DNMT3B: variants seen among roughly 807,000 people sequenced by gnomAD.
DNMT3B encodes DNA (cytosine-5)-methyltransferase 3B.
In DNMT3B, 37 loss-of-function variants were observed where a neutral mutation model predicts 120.2. The observed-to-expected ratio is 0.31, with a 90% CI of 0.24 to 0.40. DNMT3B has a LOEUF of 0.40. Ranked by LOEUF, DNMT3B falls within the 10% of genes least tolerant of loss-of-function variation. The pLI is 1.00. For synonymous variants in DNMT3B, 412 were observed against 442.8 expected, an observed-to-expected ratio of 0.93 and a Z score of 0.87; for missense variants, 878 against 1,137.3, an observed-to-expected ratio of 0.77 and a Z score of 3.28.
intron 1 of DNMT3B, among the ~76,000 whole-genome samples, chr20:32,768,704 A>G (rs986256867): frequency 6.6e-6 from 1 of 152,100 alleles, no homozygotes; most frequent in African/African-American, 2.4e-5. Context: ...GGAGATGGGA[A>G]TGGGGAGGCA....
intron 3 of DNMT3B, among the ~76,000 whole-genome samples, chr20:32,782,934 T>G (rs182544860): frequency 6.6e-6 from 1 of 152,270 alleles, no homozygotes; most frequent in Admixed American, 6.5e-5. Flanking sequence ...TTTTTTTTTA[T>G]TCATTTATTT....
intron 6 of DNMT3B, 69 bp downstream of exon 6, chr20:32,787,520 G>A: frequency 6.7e-7 from 1 of 1,493,884 alleles, no homozygotes; most frequent in South Asian, 1.2e-5. Context: ...CCAGTTACCT[G>A]CTACTGTTGG....
chr20:32,800,400 G>GA, intron 17 of DNMT3B, 102 bp downstream of exon 17: 2 of 1,519,806 alleles, frequency 1.3e-6, no homozygotes, highest in Non-Finnish European at 1.8e-6. Context: ...TGAGACCCCA[G>GA]AAAAAAGGAT....
At chr20:32,796,944 C>G in intron 13 of DNMT3B, 75 bp downstream of exon 13, 1 of 1,614,078 alleles carries the variant, frequency 6.2e-7, no homozygotes. Context: ...CCAACAGCAC[C>G]TGTGTGGAGA....
intron 4 of DNMT3B, among the ~76,000 whole-genome samples, chr20:32,785,958 A>G (rs895028027): frequency 6.6e-6 from 1 of 151,504 alleles, no homozygotes; most frequent in African/African-American, 2.4e-5. Flanking sequence ...ATCTCAGCAC[A>G]CTGCAACCTC....
In DNMT3B at chr20:32,781,348, T is replaced by A. The variant is rs1404514909; in HGVS notation, c.143-5T>A. ...AAAACAGACTCCTGGCTGTTTCCTC[T>A]ACAGGCCGAAGATCAAGCTCGCGAC... is the stretch of plus-strand genomic sequence containing the variant. On this transcript the variant is annotated splice_polypyrimidine_tract_variant and splice_region_variant and intron_variant, in intron 2 of 22. Coordinates refer to ENST00000328111, the MANE Select transcript of DNMT3B (RefSeq NM_006892.4). 4 of 1,614,150 alleles carry A rather than the reference T, an allele frequency of 2.5e-6. No individual in the cohort carries two copies. In the East Asian group the frequency reaches 8.9e-5, roughly 36 times the overall value.
At chr20:32,783,966 G>A (rs1185925168) in intron 3 of DNMT3B, among the ~76,000 whole-genome samples, 1 of 149,512 alleles carries the variant, frequency 6.7e-6, no homozygotes, top group Non-Finnish European at 1.5e-5. Flanking sequence ...GCTAGAGTGC[G>A]GTGGCGCGAT....
intron 1 of DNMT3B, chr20:32,780,001 A>T: frequency 1.4e-6 from 2 of 1,399,342 alleles, no homozygotes; most frequent in Non-Finnish European, 2.0e-6. Flanking sequence ...CCTAAATGGC[A>T]TTGTTTGAAG....
Position 32,792,736 on chromosome 20 carries a change from G to T in DNMT3B, c.1032G>T (p.Gly344=). 1 of 1,614,222 alleles carries T rather than the reference G, an allele frequency of 6.2e-7. No individual in the cohort carries two copies. The highest frequency in any genetic ancestry group is 8.5e-7 in the Non-Finnish European group (1 of 1,180,038). Residue 344 remains glycine, a synonymous_variant, in exon 9 of 23, where the codon GGG becomes GGT. Transcript: ENST00000328111. The part of the protein sequence containing the change: ...EWAHGGFKPT[G]IEGLKPNNTQ... ...CCCACGGGGGCTTCAAGCCCACTGG[G>T]ATCGAGGGCCTCAAACCCAACAACA...
chr20:32,797,561 A>G (rs1202035634), intron 14 of DNMT3B, among the ~76,000 whole-genome samples: 1 of 152,142 alleles, frequency 6.6e-6, no homozygotes, highest in African/African-American at 2.4e-5. Flanking sequence ...TGACATGATC[A>G]TAGGTCACTG....
At position 32,806,247 on chromosome 20, in the gene DNMT3B, G is replaced by A. The variant is rs151108199; in HGVS notation, c.2340G>A (p.Ser780=). Residue 780 remains serine (S), a synonymous_variant, in exon 22 of 23, where the codon TCG becomes TCA. Transcript: ENST00000328111. ...KVQTITTKSN[S]IKQGKNQLFP... ...AGACAATAACCACCAAGTCGAACTC[G>A]ATCAAACAGGGGAAAAACCAACTTT... The A allele has an allele frequency of 3.7e-5, 59 of 1,614,166 alleles. No homozygotes were observed. The African/African-American group carries it at 5.1e-4, about 14-fold the overall frequency.
At chr20:32,800,963 A>G (rs1981265256) in intron 18 of DNMT3B, 38 bp downstream of exon 18, 8 of 1,609,100 alleles carry the variant, frequency 5.0e-6, no homozygotes, top group Non-Finnish European at 6.0e-6. Context: ...TGGAGAGCCT[A>G]TGTCACCTGA....
rs147402935 is a variant in DNMT3B, at chr20:32,807,870, C to G, written c.2529C>G (p.Phe843Leu). 6.2e-7 allele frequency: 1 copy of G among 1,614,242 alleles called. No homozygotes were observed. Among genetic ancestry groups the G allele is most frequent in the Admixed American group, 1.7e-5 (1 of 60,024 alleles). ...GCGTGCCTGTCATCCGACACCTCTT[C>G]GCCCCTCTGAAGGACTACTTTGCAT... Reference protein sequence around the residue: ...SWSVPVIRHLFAPLKDYFACE With the variant: ...SWSVPVIRHLLAPLKDYFACE The change falls in exon 23 of 23, where the codon TTC becomes TTG. Residue 843 changes from phenylalanine to leucine, a missense_variant. Physicochemically the swap from Phe to Leu is conservative, Grantham distance 22 (BLOSUM62 0). Transcript: ENST00000328111.
chr20:32,806,158 C>G (rs781486116), intron 21 of DNMT3B, 51 bp from the exon 22 acceptor site: 134 of 1,565,138 alleles, frequency 8.6e-5, no homozygotes, highest in Non-Finnish European at 1.6e-5. Flanking sequence ...GCCTTGACTC[C>G]CCAGGTCCCT....
chr20:32,789,152 T>A (rs1227768773), intron 7 of DNMT3B, 140 bp downstream of exon 7: 26 of 1,318,068 alleles, frequency 2.0e-5, no homozygotes, highest in Admixed American at 7.2e-5. Flanking sequence ...AGGACAAAAC[T>A]TCCTGTGTTA....
At chr20:32,789,753 C>T (rs942172467) in intron 7 of DNMT3B, among the ~76,000 whole-genome samples, 2 of 152,282 alleles carry the variant, frequency 1.3e-5, no homozygotes, top group Admixed American at 6.5e-5. Context: ...GCCACCGCAC[C>T]CTGCTAATAT....
Position 32,808,132 on chromosome 20 carries a change from C to T in DNMT3B, c.*229C>T. The T allele has an allele frequency of 1.6e-6, 1 of 635,736 alleles. No individual in the cohort carries two copies. The highest frequency in any genetic ancestry group is 2.6e-6 in the Non-Finnish European group (1 of 379,430). 39.4% of individuals were successfully genotyped at this position (635,736 alleles called of 1,614,324 possible). On this transcript the variant is annotated 3_prime_UTR_variant, in exon 23 of 23. Coordinates refer to ENST00000328111, the MANE Select transcript of DNMT3B (RefSeq NM_006892.4). Reference sequence around the variant, plus strand: ...GACCTGGCTGCTTGGAGCAGCCTAACACGGTGCTCATTTTTTCTTCTCCTA... The same window carrying T: ...GACCTGGCTGCTTGGAGCAGCCTAATACGGTGCTCATTTTTTCTTCTCCTA...
At chr20:32,768,860 C>G (rs1344537935) in intron 1 of DNMT3B, among the ~76,000 whole-genome samples, 3 of 152,138 alleles carry the variant, frequency 2.0e-5, no homozygotes, top group Admixed American at 2.0e-4. Flanking sequence ...TAAGGAAGCC[C>G]TACCCCGACA....
chr20:32,783,222 T>C (rs1297550811), intron 3 of DNMT3B, among the ~76,000 whole-genome samples: 1 of 152,230 alleles, frequency 6.6e-6, no homozygotes, highest in Non-Finnish European at 1.5e-5. Flanking sequence ...CCACCATACC[T>C]GGCCCATTTT....
Sources: gnomAD v4.1 joint callset for allele counts (sites outside exome capture counted in the v4.1 genomes callset) on GRCh38, gnomAD v4.1.1 for gene constraint, MANE v1.5 for transcripts, NCBI Gene and HGNC (gene_info 2026-07-23, HGNC 2026-07-21) for gene names.